The following VPS13B variants were observed in gnomAD, a reference collection of about 807,000 sequenced individuals.
VPS13B encodes intermembrane lipid transfer protein VPS13B.
Under a neutral mutation model 426.4 loss-of-function variants are expected in VPS13B, and 285 were observed. The ratio of observed to expected loss-of-function variants is 0.67; its 90% CI spans 0.61 to 0.74. VPS13B has a LOEUF of 0.74. VPS13B is among the 30% of genes least tolerant of loss of function. VPS13B has a pLI of 0.00. For missense variants in VPS13B, 4,537 were observed against 4,782.6 expected (o/e 0.95, Z 1.51); for synonymous variants, 1,676 against 1,676.4 (o/e 1.00, Z 0.01).
At chr8:99,250,349 G>T (rs1465440868) in intron 17 of VPS13B, among the ~76,000 whole-genome samples, 1 of 152,076 alleles carries the variant, frequency 6.6e-6, no homozygotes, top group Non-Finnish European at 1.5e-5. Flanking sequence ...CTTTTGCAAA[G>T]TAAAAGTTTA....
At chr8:99,731,042 C>T (rs1833578112) in intron 39 of VPS13B, among the ~76,000 whole-genome samples, 1 of 152,088 alleles carries the variant, frequency 6.6e-6, no homozygotes, top group African/African-American at 2.4e-5. Flanking sequence ...TAAAGAAGAA[C>T]TCAGTGAGCA....
Position 99,114,129 on chromosome 8 carries a change from G to A in VPS13B, c.763-1571G>A, listed in dbSNP as rs996495015. On this transcript the variant is annotated intron_variant, in intron 6 of 61. Coordinates refer to ENST00000357162, the MANE Select transcript of VPS13B (RefSeq NM_152564.5). ...CTGAGTAATTCCTTAGGAAAGATTT[G>A]TATAATTGCAAATATCTTTTTTTTT... 2.1e-5 allele frequency among the ~76,000 whole-genome samples: 3 copies of A among 141,762 alleles called. No homozygotes were observed. The Admixed American group carries it at 2.2e-4, about 10-fold the overall frequency. 93.0% of individuals were successfully genotyped at this position (141,762 alleles called of 152,430 possible).
At chr8:99,623,251 CT>C (rs528862754) in intron 33 of VPS13B, among the ~76,000 whole-genome samples, 131 of 152,278 alleles carry the variant, frequency 8.6e-4, no homozygotes, top group African/African-American at 2.5e-3. Flanking sequence ...TTCCCAGCAG[CT>C]TGAGTCTTTA....
chr8:99,169,346 G>C (rs938380966), intron 15 of VPS13B, among the ~76,000 whole-genome samples: 2 of 151,912 alleles, frequency 1.3e-5, no homozygotes, highest in Admixed American at 1.3e-4. Context: ...GTGATGTTAT[G>C]TTGTTTCTTT....
intron 34 of VPS13B, among the ~76,000 whole-genome samples, chr8:99,651,557 A>G (rs1829813934): frequency 6.6e-6 from 1 of 152,164 alleles, no homozygotes; most frequent in Non-Finnish European, 1.5e-5. Context: ...CAGAAATGAG[A>G]TCTTCTGCCA....
chr8:99,796,191 G>A (rs1812802710), intron 43 of VPS13B, among the ~76,000 whole-genome samples: 1 of 152,136 alleles, frequency 6.6e-6, no homozygotes, highest in African/African-American at 2.4e-5. Flanking sequence ...GGAACTGAGT[G>A]AGGTAAGAAT....
At chr8:99,779,838 G>A (rs1811925380) in intron 42 of VPS13B, among the ~76,000 whole-genome samples, 1 of 152,122 alleles carries the variant, frequency 6.6e-6, no homozygotes, top group Non-Finnish European at 1.5e-5. Context: ...TATTTAAGCT[G>A]AAACATTTCC....
chr8:99,297,180 C>T (rs1820086762), intron 19 of VPS13B, among the ~76,000 whole-genome samples: 2 of 151,990 alleles, frequency 1.3e-5, no homozygotes, highest in South Asian at 4.1e-4. Context: ...GATGACAAAA[C>T]TTAGTTTAGA....
rs74493382 is a variant in VPS13B, at chr8:99,418,972, C to T, written c.3083-12565C>T. Among the ~76,000 whole-genome samples the T allele has an allele frequency of 4.2e-4, 64 of 152,278 alleles. No individual in the cohort carries two copies. In the East Asian group the frequency reaches 8.7e-3, roughly 21 times the overall value. ...TCAGGTCCTACTGAACCATTTCTCTCGCAAAGGCCTTGCCACTTTTTTCTC... is the reference window on the plus strand; with the variant it reads ...TCAGGTCCTACTGAACCATTTCTCTTGCAAAGGCCTTGCCACTTTTTTCTC... On this transcript the variant is annotated intron_variant, in intron 21 of 61. Transcript: ENST00000357162.
chr8:99,769,994 C>CA (rs1462923956), intron 40 of VPS13B, among the ~76,000 whole-genome samples: 40 of 151,928 alleles, frequency 2.6e-4, no homozygotes, highest in African/African-American at 9.4e-4. Context: ...TTTGTCTCCA[C>CA]ACAAAAATTT....
At chr8:99,567,656 C>G (rs1825253828) in intron 31 of VPS13B, among the ~76,000 whole-genome samples, 1 of 152,046 alleles carries the variant, frequency 6.6e-6, no homozygotes. Flanking sequence ...TGTGTATGTT[C>G]AGCACCTTGA....
intron 54 of VPS13B, among the ~76,000 whole-genome samples, chr8:99,846,015 G>T (rs1401898090): frequency 2.0e-5 from 3 of 152,210 alleles, no homozygotes; most frequent in African/African-American, 7.2e-5. Flanking sequence ...TCTAACTGCA[G>T]GGGTGGCGGG....
chr8:99,566,589 T>A (rs1280913645), intron 31 of VPS13B, among the ~76,000 whole-genome samples: 3 of 152,050 alleles, frequency 2.0e-5, no homozygotes, highest in Non-Finnish European at 2.9e-5. Context: ...ATTACAGGCA[T>A]GTGCCGCCAC....
At chr8:99,088,853 T>A (rs1220777005) in intron 3 of VPS13B, among the ~76,000 whole-genome samples, 1 of 152,196 alleles carries the variant, frequency 6.6e-6, no homozygotes, top group Non-Finnish European at 1.5e-5. Flanking sequence ...AATTGGGCTA[T>A]CCATTATCAT....
intron 57 of VPS13B, 50 bp downstream of exon 57, chr8:99,859,530 T>G: frequency 1.2e-6 from 2 of 1,604,590 alleles, no homozygotes; most frequent in Non-Finnish European, 1.7e-6. Flanking sequence ...TCCCTTTTTT[T>G]TTTTTTTTAA....
chr8:99,787,204 G>A (rs1439037958), intron 43 of VPS13B, among the ~76,000 whole-genome samples: 1 of 152,096 alleles, frequency 6.6e-6, no homozygotes, highest in Non-Finnish European at 1.5e-5. Flanking sequence ...GTGACACCTG[G>A]AAAGGTTTCA....
At position 99,720,255 on chromosome 8, in the gene VPS13B, T is replaced by C. The variant is rs371212137; in HGVS notation, c.6658-90T>C. 2.9e-6 allele frequency: 3 copies of C among 1,032,162 alleles called. No individual in the cohort carries two copies. In the East Asian group the frequency reaches 7.8e-5, roughly 27 times the overall value. 63.9% of individuals were successfully genotyped at this position (1,032,162 alleles called of 1,614,324 possible). ...GTAATTAAATTGAACATAATTACAG[T>C]CCTACATTAATTCAAATATGATTAT... On this transcript the variant is annotated intron_variant, in intron 37 of 61. Coordinates refer to ENST00000357162, the MANE Select transcript of VPS13B (RefSeq NM_152564.5).
chr8:99,826,214 T>C (rs1002753421), intron 51 of VPS13B, among the ~76,000 whole-genome samples: 4 of 152,226 alleles, frequency 2.6e-5, no homozygotes, highest in African/African-American at 9.6e-5. Flanking sequence ...ATGGAATGTT[T>C]TTCCATTTGT....
chr8:99,313,750 T>C (rs1473067542), intron 19 of VPS13B, among the ~76,000 whole-genome samples: 1 of 152,228 alleles, frequency 6.6e-6, no homozygotes, highest in Non-Finnish European at 1.5e-5. Flanking sequence ...TGTTTGCCTA[T>C]GCCCTGTCCC....
Sources: gnomAD v4.1 joint callset for allele counts (sites outside exome capture counted in the v4.1 genomes callset) on GRCh38, gnomAD v4.1.1 for gene constraint, MANE v1.5 for transcripts, NCBI Gene and HGNC (gene_info 2026-07-23, HGNC 2026-07-21) for gene names.